The following GRAMD2A variants were observed in gnomAD, a reference collection of about 807,000 sequenced individuals.
The protein encoded by GRAMD2A is GRAM domain containing 2A, also known as GRAM domain-containing protein 2A.
In GRAMD2A, 37 loss-of-function variants were observed where a neutral mutation model predicts 51.1. The observed-to-expected ratio is 0.72, with a 90% CI of 0.56 to 0.95. The LOEUF (loss-of-function observed/expected upper bound fraction) is 0.95, where lower values mean the gene tolerates loss of function less well. GRAMD2A is among the 40% of genes least tolerant of loss of function. The pLI is 0.00. For synonymous variants in GRAMD2A, 136 were observed against 157.1 expected (o/e 0.87, Z 1.01); for missense variants, 414 against 426.9 (o/e 0.97, Z 0.27).
Position 72,168,813 on chromosome 15 carries a change from A to ATACACACT in GRAMD2A, c.192+118_192+125dup, listed in dbSNP as rs1483636043. On this transcript the variant is annotated intron_variant, in intron 3 of 11. Coordinates refer to ENST00000309731, the MANE Select transcript of GRAMD2A (RefSeq NM_001012642.3). The stretch of plus-strand genomic sequence containing the variant: ...ACACACTACTCCCACCCAGGAAGGG[A>ATACACACT]TACACACTCAGGTCTCCTGATTTCC... The ATACACACT allele has an allele frequency of 1.1e-5, 10 of 872,390 alleles. No individual in the cohort carries two copies. The African/African-American group carries it at 1.3e-4, about 12-fold the overall frequency. 54.0% of individuals were successfully genotyped at this position (872,390 alleles called of 1,614,324 possible).
chr15:72,163,737 C>A lies in GRAMD2A; in HGVS notation c.621G>T (p.Met207Ile). ...AGGAAGGGCATACCTTTCTCCACTT[C>A]ATCTCAGGGATGAGGACTTCCTGCA... The part of the protein sequence containing the change: ...PESLEVLIPE[M>I]KWRKVCPSSR... The change falls in exon 9 of 12, where the codon ATG becomes ATT. Residue 207 changes from methionine (M) to isoleucine (I), a missense_variant. Met to Ile is a conservative substitution (Grantham distance 10). Coordinates refer to ENST00000309731, the MANE Select transcript of GRAMD2A (RefSeq NM_001012642.3). The A allele has an allele frequency of 6.2e-7, 1 of 1,609,732 alleles. No individual in the cohort carries two copies. Among genetic ancestry groups the A allele is most frequent in the Non-Finnish European group, 8.5e-7 (1 of 1,178,884 alleles).
intron 10 of GRAMD2A, 69 bp downstream of exon 10, chr15:72,163,197 C>T: frequency 9.3e-7 from 1 of 1,080,560 alleles, no homozygotes; most frequent in Non-Finnish European, 1.4e-6. Context: ...TCCCCACACT[C>T]CAAGGCCCTT....
intron 1 of GRAMD2A, among the ~76,000 whole-genome samples, chr15:72,193,703 T>A (rs2081785188): frequency 6.6e-6 from 1 of 151,752 alleles, no homozygotes; most frequent in African/African-American, 2.4e-5. Context: ...TTTTTCTGTA[T>A]TTTTAGTAGA....
At chr15:72,169,812 C>T (rs1567084446) in intron 2 of GRAMD2A, 35 bp downstream of exon 2, 1 of 1,522,486 alleles carries the variant, frequency 6.6e-7, no homozygotes, top group East Asian at 2.3e-5. Flanking sequence ...ACCCTCTAGT[C>T]TGTGTGTATC....
In GRAMD2A at chr15:72,183,984, C is replaced by T. The variant is rs901474928; in HGVS notation, c.41+13747G>A. Among the ~76,000 whole-genome samples, 6 of 152,262 alleles carry T rather than the reference C, an allele frequency of 3.9e-5. No homozygotes were observed. The South Asian group carries it at 6.2e-4, about 16-fold the overall frequency. On this transcript the variant is annotated intron_variant, in intron 1 of 11. Transcript: ENST00000309731. ...GGATGCTGCTGAGCACAGCTGGAAA[C>T]TCAGTCCCAGTCCAGCTCAGCGCCA...
At position 72,168,926 on chromosome 15, in the gene GRAMD2A, C is replaced by A; in HGVS notation, c.192+13G>T. ...TCCTGGGTGAATAGTGAGAAGTCAG[C>A]CTCCAGACTTACCCCTTCTCGGCCA... is the stretch of plus-strand genomic sequence containing the variant. On this transcript the variant is annotated intron_variant, in intron 3 of 11. Transcript: ENST00000309731. The A allele has an allele frequency of 6.2e-7, 1 of 1,613,016 alleles. No homozygotes were observed. The highest frequency in any genetic ancestry group is 8.5e-7 in the Non-Finnish European group (1 of 1,178,946).
intron 1 of GRAMD2A, among the ~76,000 whole-genome samples, chr15:72,187,613 A>G (rs1346792068): frequency 6.6e-6 from 1 of 152,156 alleles, no homozygotes; most frequent in African/African-American, 2.4e-5. Flanking sequence ...TGCTGGGCTC[A>G]AGCAATTCTC....
At chr15:72,196,692 C>T (rs2081807562) in intron 1 of GRAMD2A, among the ~76,000 whole-genome samples, 1 of 152,120 alleles carries the variant, frequency 6.6e-6, no homozygotes, top group South Asian at 2.1e-4. Flanking sequence ...CGAGGGTACC[C>T]TCTCTCGTTC....
rs1250248140 is a variant in GRAMD2A, at chr15:72,159,950, T to C, written c.*2059A>G. Reference sequence around the variant, plus strand: ...GCAGGTCTATATAAAATACACATCATTTATAAATGCACACAGCAGAAAGCA... The same window carrying C: ...GCAGGTCTATATAAAATACACATCACTTATAAATGCACACAGCAGAAAGCA... On this transcript the variant is annotated 3_prime_UTR_variant, in exon 12 of 12. Coordinates refer to ENST00000309731, the MANE Select transcript of GRAMD2A (RefSeq NM_001012642.3). 1.3e-5 allele frequency: 2 copies of C among 152,134 alleles called. No homozygotes were observed. Among genetic ancestry groups the C allele is most frequent in the Non-Finnish European group, 2.9e-5 (2 of 68,046 alleles). The allele number at this position is 152,134 out of a possible 1,614,324, so 9.4% of individuals were successfully genotyped here. A position where few individuals can be genotyped will look rare whatever the true frequency, so the allele number is the denominator to read the frequency against.
chr15:72,162,527 T>C, intron 10 of GRAMD2A, 150 bp from the exon 11 acceptor site: 1 of 608,476 alleles, frequency 1.6e-6, no homozygotes, highest in Non-Finnish European at 2.9e-6. Flanking sequence ...CCTCAGCATC[T>C]TTCTTCCCAG....
rs1358821302 is a variant in GRAMD2A, at chr15:72,160,048, C to T, written c.*1961G>A. On this transcript the variant is annotated 3_prime_UTR_variant, in exon 12 of 12. Transcript: ENST00000309731. ...CACTATCTGGAGGGACAGGCACACC[C>T]GCAACACTCAAAGCCCTGGGCCCCA... 1 of 152,204 alleles carries T rather than the reference C, an allele frequency of 6.6e-6. No homozygotes were observed. The highest frequency in any genetic ancestry group is 1.5e-5 in the Non-Finnish European group (1 of 68,144). 9.4% of individuals were successfully genotyped at this position (152,204 alleles called of 1,614,324 possible). A position where few individuals can be genotyped will look rare whatever the true frequency, so the allele number is the denominator to read the frequency against.
intron 5 of GRAMD2A, 56 bp from the exon 6 acceptor site, chr15:72,167,148 T>G: frequency 1.5e-6 from 2 of 1,333,820 alleles, no homozygotes; most frequent in Non-Finnish European, 1.1e-6. Flanking sequence ...GTGGTCCCTT[T>G]GCTCCCTGCC....
intron 10 of GRAMD2A, chr15:72,162,952 C>CCTCT: frequency 3.2e-6 from 1 of 314,296 alleles, no homozygotes. Context: ...CCAAGCTTTT[C>CCTCT]CTCTCTCTCT....
At chr15:72,186,486 G>A (rs150470425) in intron 1 of GRAMD2A, among the ~76,000 whole-genome samples, 38 of 151,982 alleles carry the variant, frequency 2.5e-4, no homozygotes, top group African/African-American at 8.2e-4. Context: ...CACCACGCCC[G>A]GATAATTTTT....
At chr15:72,173,913 G>A (rs1210338447) in intron 1 of GRAMD2A, 1 of 121,410 alleles carries the variant, frequency 8.2e-6, no homozygotes, top group Non-Finnish European at 1.6e-5. Flanking sequence ...CAGCCTGGGC[G>A]ACGAGAGTGA....
chr15:72,177,700 T>C (rs1007818999), intron 1 of GRAMD2A, among the ~76,000 whole-genome samples: 4 of 152,226 alleles, frequency 2.6e-5, no homozygotes, highest in Non-Finnish European at 5.9e-5. Context: ...GATTAGAAGC[T>C]CTAGGTCATA....
Position 72,167,674 on chromosome 15 carries a change from C to T in GRAMD2A, c.372+62G>A. 5 of 1,283,780 alleles carry T rather than the reference C, an allele frequency of 3.9e-6. No homozygotes were observed. In the East Asian group the frequency reaches 1.2e-4, roughly 30 times the overall value. 79.5% of individuals were successfully genotyped at this position (1,283,780 alleles called of 1,614,324 possible). A position where few individuals can be genotyped will look rare whatever the true frequency, so the allele number is the denominator to read the frequency against. On this transcript the variant is annotated intron_variant, in intron 5 of 11. Transcript: ENST00000309731. ...AGATAGGCATGACTTTGAGGCATGC[C>T]CGTGGGGCAGGAGGCTGGCTCCCCT...
At position 72,166,858 on chromosome 15, in the gene GRAMD2A, G is replaced by T; in HGVS notation, c.471+136C>A. On this transcript the variant is annotated intron_variant, in intron 6 of 11. Coordinates refer to ENST00000309731, the MANE Select transcript of GRAMD2A (RefSeq NM_001012642.3). The surrounding 1 kb of genome is among the most constrained non-coding windows in gnomAD (Gnocchi z 4.1). ...CTAGGAACTTCTCTTCCAGCTTGTTGTACGGCCTGAAATACCTACTGGAGA... is the reference window on the plus strand; with the variant it reads ...CTAGGAACTTCTCTTCCAGCTTGTTTTACGGCCTGAAATACCTACTGGAGA... The T allele has an allele frequency of 2.2e-6, 2 of 928,042 alleles. No homozygotes were observed. Among genetic ancestry groups the T allele is most frequent in the South Asian group, 2.8e-5 (2 of 71,808 alleles). The allele number at this position is 928,042 out of a possible 1,614,324, so 57.5% of individuals were successfully genotyped here.
intron 5 of GRAMD2A, among the ~76,000 whole-genome samples, chr15:72,167,498 A>C (rs2081560333): frequency 1.3e-5 from 2 of 152,244 alleles, no homozygotes; most frequent in African/African-American, 4.8e-5. Context: ...TTTGGCTGTG[A>C]ACTGTTCAGG....
Sources: allele counts gnomAD v4.1 joint callset (sites outside exome capture counted in the v4.1 genomes callset), GRCh38; gene constraint gnomAD v4.1.1; non-coding constraint Gnocchi (gnomAD v3.1); transcripts MANE v1.5; gene names NCBI Gene and HGNC (gene_info 2026-07-23, HGNC 2026-07-21).